Variants in GABRB1 observed in about 807,000 individuals in gnomAD.
The protein encoded by GABRB1 is gamma-aminobutyric acid receptor subunit beta-1.
Under a neutral mutation model 51.6 loss-of-function variants are expected in GABRB1, and 17 were observed. That is an observed-to-expected ratio of 0.33 (90% CI 0.23 to 0.49). The LOEUF (loss-of-function observed/expected upper bound fraction) is 0.49. Among genes scored for constraint, GABRB1 ranks in the 20% least tolerant of loss-of-function variants. The pLI, the probability that GABRB1 is intolerant of heterozygous loss-of-function variation, is 0.99. For synonymous variants in GABRB1, 247 were observed against 218.9 expected, an observed-to-expected ratio of 1.13 and a Z score of -1.14; for missense variants, 410 against 600.6, an observed-to-expected ratio of 0.68 and a Z score of 3.32.
At chr4:47,283,506 CTCCCG>C (rs1051886274) in intron 4 of GABRB1, among the ~76,000 whole-genome samples, 21 of 150,488 alleles carry the variant, frequency 1.4e-4, no homozygotes, top group Non-Finnish European at 3.1e-4. Flanking sequence ...CTGCCTCAGC[CTCCCG>C]AGTAGCTGGG....
chr4:47,020,621 A>G (rs544797122), intron 1 of GABRB1, among the ~76,000 whole-genome samples: 1 of 152,162 alleles, frequency 6.6e-6, no homozygotes, highest in East Asian at 1.9e-4. Context: ...TCACATCTAT[A>G]TCCTCTCTCA....
At position 47,044,741 on chromosome 4, in the gene GABRB1, T is replaced by C. The variant is rs1726011291; in HGVS notation, c.240+12257T>C. 2.0e-5 allele frequency among the ~76,000 whole-genome samples: 3 copies of C among 152,150 alleles called. No homozygotes were observed. In the South Asian group the frequency reaches 6.2e-4, roughly 32 times the overall value. On this transcript the variant is annotated intron_variant, in intron 3 of 8. Transcript: ENST00000295454. ...TTAACTCACATTATGCATATTCAGA[T>C]ATAATAAATATAATATTTTTGCTTG...
At chr4:47,209,630 T>A (rs368604091) in intron 4 of GABRB1, among the ~76,000 whole-genome samples, 1 of 152,154 alleles carries the variant, frequency 6.6e-6, no homozygotes, top group Non-Finnish European at 1.5e-5. Context: ...GCAGAGACCA[T>A]GTGCCATTTA....
intron 4 of GABRB1, among the ~76,000 whole-genome samples, chr4:47,215,352 T>C (rs543773431): frequency 1.3e-5 from 2 of 152,294 alleles, no homozygotes; most frequent in South Asian, 4.1e-4. Flanking sequence ...TTGCTGTTGC[T>C]TTGTATAAGT....
At chr4:47,179,259 T>C (rs1184858270) in intron 4 of GABRB1, among the ~76,000 whole-genome samples, 3 of 152,274 alleles carry the variant, frequency 2.0e-5, no homozygotes, top group Non-Finnish European at 4.4e-5. Context: ...AATGATGATT[T>C]CCAGCTTCAT....
At chr4:47,016,692 G>A (rs781525328) in intron 1 of GABRB1, among the ~76,000 whole-genome samples, 18 of 152,008 alleles carry the variant, frequency 1.2e-4, no homozygotes, top group Admixed American at 4.6e-4. Flanking sequence ...GGGTTCAAGC[G>A]ATTCTCTTGC....
At chr4:47,321,657 A>G (rs1445409402) in intron 5 of GABRB1, among the ~76,000 whole-genome samples, 1 of 152,234 alleles carries the variant, frequency 6.6e-6, no homozygotes, top group Non-Finnish European at 1.5e-5. Flanking sequence ...AAGGCAGAAC[A>G]TTAGTTCGAC....
intron 3 of GABRB1, among the ~76,000 whole-genome samples, chr4:47,080,466 A>T (rs957033474): frequency 3.9e-5 from 6 of 152,226 alleles, no homozygotes; most frequent in Non-Finnish European, 7.3e-5. Flanking sequence ...GTAATTATGA[A>T]GTATTAAGTG....
chr4:47,394,772 G>A (rs1257566038), intron 5 of GABRB1, among the ~76,000 whole-genome samples: 1 of 148,900 alleles, frequency 6.7e-6, no homozygotes, highest in East Asian at 2.0e-4. Context: ...TCTCAGGCTT[G>A]GCATCAGCAC....
In GABRB1 at chr4:47,008,850, TACC is replaced by T. The variant is rs1414851494; in HGVS notation, c.-20+14925_-20+14927del. ...TTCACCCTGTCACGCTATCAGATAC[TACC>T]TTTTTTTTTTTTTTTTTTTTTTTTT... On this transcript the variant is annotated intron_variant, in intron 1 of 3. Coordinates refer to the GABRB1 transcript ENST00000513567. 1.1e-3 allele frequency among the ~76,000 whole-genome samples: 116 copies of T among 104,432 alleles called. 1 individual carries two copies. The highest frequency in any genetic ancestry group is 4.5e-3 in the Middle Eastern group (1 of 220). 68.5% of individuals were successfully genotyped at this position (104,432 alleles called of 152,430 possible).
Position 47,403,340 on chromosome 4 carries a change from T to G in GABRB1, c.567T>G (p.Ile189Met), listed in dbSNP as rs997879520. ...CAGATGGCTATACCACTGATGACAT[T>G]GAATTTTACTGGAATGGAGGAGAAG... is the stretch of plus-strand genomic sequence containing the variant. ...IESYGYTTDD[I>M]EFYWNGGEGA... The change falls in exon 6 of 9, where the codon ATT becomes ATG. Residue 189 changes from isoleucine (I) to methionine (M), a missense_variant. Ile to Met is a conservative substitution (Grantham distance 10). Transcript: ENST00000295454. 1 of 1,614,034 alleles carries G rather than the reference T, an allele frequency of 6.2e-7. No homozygotes were observed. Among genetic ancestry groups the G allele is most frequent in the South Asian group, 1.1e-5 (1 of 91,070 alleles).
intron 3 of GABRB1, among the ~76,000 whole-genome samples, chr4:47,128,576 CAAGAA>C (rs546164058): frequency 9.9e-5 from 15 of 152,020 alleles, no homozygotes; most frequent in Non-Finnish European, 2.2e-4. Context: ...ATATGAGACT[CAAGAA>C]AAGGCAAATA....
intron 5 of GABRB1, among the ~76,000 whole-genome samples, chr4:47,401,778 C>G (rs1728393625): frequency 6.6e-6 from 1 of 151,988 alleles, no homozygotes; most frequent in African/African-American, 2.4e-5. Context: ...GATCCATGAT[C>G]TCCTGAAATT....
intron 4 of GABRB1, among the ~76,000 whole-genome samples, chr4:47,304,181 A>G (rs1324879608): frequency 6.6e-6 from 1 of 151,982 alleles, no homozygotes; most frequent in African/African-American, 2.4e-5. Flanking sequence ...GCAGGATCAT[A>G]TGGTAGTTCT....
chr4:47,365,459 T>A (rs527377475), intron 5 of GABRB1, among the ~76,000 whole-genome samples: 1 of 152,286 alleles, frequency 6.6e-6, no homozygotes, highest in South Asian at 2.1e-4. Context: ...TGGAGAGGGA[T>A]TTGGGGTAAG....
intron 5 of GABRB1, among the ~76,000 whole-genome samples, chr4:47,366,065 A>G (rs1036292474): frequency 6.6e-6 from 1 of 152,202 alleles, no homozygotes; most frequent in African/African-American, 2.4e-5. Flanking sequence ...AGGCAAATTT[A>G]ATTTTAGCAT....
At chr4:47,001,376 T>G (rs1407765521) in intron 1 of GABRB1, among the ~76,000 whole-genome samples, 1 of 152,142 alleles carries the variant, frequency 6.6e-6, no homozygotes, top group Non-Finnish European at 1.5e-5. Flanking sequence ...TCTCCTGACC[T>G]CGTGATTCTC....
At chr4:47,392,273 G>C (rs543660447) in intron 5 of GABRB1, among the ~76,000 whole-genome samples, 1 of 151,384 alleles carries the variant, frequency 6.6e-6, no homozygotes, top group East Asian at 1.9e-4. Flanking sequence ...GGCAGCAGTC[G>C]CCAGAAACTG....
intron 4 of GABRB1, among the ~76,000 whole-genome samples, chr4:47,244,590 C>T (rs1721666447): frequency 6.6e-6 from 1 of 152,118 alleles, no homozygotes; most frequent in Admixed American, 6.6e-5. Context: ...AGGGATTCAA[C>T]TTCTTCCTGG....
Sources: gnomAD v4.1 joint callset for allele counts (sites outside exome capture counted in the v4.1 genomes callset) on GRCh38, gnomAD v4.1.1 for gene constraint, MANE v1.5 for transcripts, NCBI Gene and HGNC (gene_info 2026-07-23, HGNC 2026-07-21) for gene names.